The following RAB10 variants were observed in gnomAD, a reference collection of about 807,000 sequenced individuals.
RAB10 encodes RAB10, member RAS oncogene family, also known as ras-related protein Rab-10.
Under a neutral mutation model 25.7 loss-of-function variants are expected in RAB10, and 5 were observed. The ratio of observed to expected loss-of-function variants is 0.19; its 90% CI spans 0.10 to 0.41. The LOEUF is 0.41. Among genes scored for constraint, RAB10 ranks in the 10% least tolerant of loss-of-function variants. The pLI is 1.00. For missense variants in RAB10, 103 were observed against 245.8 expected, an observed-to-expected ratio of 0.42 and a Z score of 3.89; for synonymous variants, 89 against 86.4, an observed-to-expected ratio of 1.03 and a Z score of -0.16.
chr2:26,103,505 A>G (rs1667386892), intron 2 of RAB10, among the ~76,000 whole-genome samples: 1 of 152,248 alleles, frequency 6.6e-6, no homozygotes, highest in African/African-American at 2.4e-5. Flanking sequence ...GATTCTGGTT[A>G]TAATGAGTTT....
chr2:26,127,024 G>A, intron 3 of RAB10, 120 bp from the exon 4 acceptor site: 1 of 715,768 alleles, frequency 1.4e-6, no homozygotes, highest in Non-Finnish European at 2.3e-6. Context: ...TAGGGTGACT[G>A]CTTTAAAACT....
intron 1 of RAB10, among the ~76,000 whole-genome samples, chr2:26,072,047 A>G (rs1380753003): frequency 7.3e-6 from 1 of 136,708 alleles, no homozygotes; most frequent in Non-Finnish European, 1.6e-5. Context: ...TAATTTCCAA[A>G]TGACCAATAC....
intron 2 of RAB10, among the ~76,000 whole-genome samples, chr2:26,106,463 A>G (rs1220149115): frequency 6.6e-6 from 1 of 152,224 alleles, no homozygotes; most frequent in Non-Finnish European, 1.5e-5. Flanking sequence ...ATTTTTGACA[A>G]AGGTACAAAA....
At chr2:26,072,426 TATAATA>T (rs1198488133) in intron 1 of RAB10, among the ~76,000 whole-genome samples, 3 of 151,370 alleles carry the variant, frequency 2.0e-5, no homozygotes, top group South Asian at 2.1e-4. Flanking sequence ...AAAATACATA[TATAATA>T]ATAATAATAA....
At chr2:26,088,916 C>T (rs1667045167) in intron 1 of RAB10, among the ~76,000 whole-genome samples, 1 of 152,148 alleles carries the variant, frequency 6.6e-6, no homozygotes, top group South Asian at 2.1e-4. Flanking sequence ...AGCCACCATG[C>T]CCGGCTTATC....
intron 1 of RAB10, among the ~76,000 whole-genome samples, chr2:26,097,214 TCAAAA>T (rs1457201102): frequency 6.6e-6 from 1 of 152,120 alleles, no homozygotes; most frequent in African/African-American, 2.4e-5. Context: ...AGACCTTGTC[TCAAAA>T]CAAACAAACA....
chr2:26,120,612 C>T (rs1338910778), intron 3 of RAB10, among the ~76,000 whole-genome samples: 8 of 150,916 alleles, frequency 5.3e-5, no homozygotes, highest in Non-Finnish European at 8.9e-5. Flanking sequence ...TTTCTTGAGA[C>T]GGAGTCTCGC....
chr2:26,058,716 A>T (rs746756880), intron 1 of RAB10, among the ~76,000 whole-genome samples: 4 of 152,088 alleles, frequency 2.6e-5, no homozygotes, highest in Non-Finnish European at 5.9e-5. Flanking sequence ...GGCTGTAGCC[A>T]CTCTGCCTAG....
chr2:26,059,924 G>T (rs1039981720), intron 1 of RAB10, among the ~76,000 whole-genome samples: 16 of 151,916 alleles, frequency 1.1e-4, no homozygotes, highest in African/African-American at 3.1e-4. Context: ...AATTATGTGG[G>T]TTTTTTTTAC....
chr2:26,104,375 C>T (rs1038794370), intron 2 of RAB10, among the ~76,000 whole-genome samples: 3 of 152,120 alleles, frequency 2.0e-5, no homozygotes, highest in Non-Finnish European at 4.4e-5. Flanking sequence ...ATTTGTGTAT[C>T]TTCTTTGGAT....
At chr2:26,116,572 T>G (rs1460030611) in intron 3 of RAB10, among the ~76,000 whole-genome samples, 198 of 141,344 alleles carry the variant, frequency 1.4e-3, no homozygotes, top group Non-Finnish European at 2.1e-3. Context: ...TTTTTTTTTT[T>G]TTGAGACGCA....
In RAB10 at chr2:26,114,864, T is replaced by C. The variant is rs530345518; in HGVS notation, c.327+4958T>C. ...CTGCAGTGAACCATGATTGCATTAC[T>C]ACACTCCAGCCTGGGCAACAGAGTG... On this transcript the variant is annotated intron_variant, in intron 3 of 5. Coordinates refer to ENST00000264710, the MANE Select transcript of RAB10 (RefSeq NM_016131.5). Among the ~76,000 whole-genome samples the C allele has an allele frequency of 3.3e-5, 5 of 151,934 alleles. No homozygotes were observed. In the South Asian group the frequency reaches 1.0e-3, roughly 32 times the overall value.
intron 2 of RAB10, among the ~76,000 whole-genome samples, chr2:26,103,796 TC>T (rs1667392896): frequency 6.6e-6 from 1 of 152,152 alleles, no homozygotes; most frequent in Admixed American, 6.6e-5. Context: ...GTATAAAATT[TC>T]TTTATGTGGA....
chr2:26,058,895 G>C (rs2149266400), intron 1 of RAB10, among the ~76,000 whole-genome samples: 1 of 152,236 alleles, frequency 6.6e-6, no homozygotes, highest in Non-Finnish European at 1.5e-5. Context: ...TAATTAATAT[G>C]ACTTCTGATT....
intron 1 of RAB10, among the ~76,000 whole-genome samples, chr2:26,051,024 T>G (rs1666120926): frequency 6.6e-6 from 1 of 152,004 alleles, no homozygotes; most frequent in Non-Finnish European, 1.5e-5. Context: ...GCTCAAGAGA[T>G]CTTCCTGGGT....
chr2:26,097,010 C>T (rs999858861), intron 1 of RAB10, among the ~76,000 whole-genome samples: 6 of 152,030 alleles, frequency 3.9e-5, no homozygotes, highest in Admixed American at 1.3e-4. Flanking sequence ...TCACTTTGAG[C>T]GTTCGAGACC....
intron 2 of RAB10, among the ~76,000 whole-genome samples, 162 bp downstream of exon 2, chr2:26,098,884 A>G (rs1354102154): frequency 1.3e-5 from 2 of 152,308 alleles, no homozygotes; most frequent in East Asian, 3.9e-4. Context: ...CATGGACTTA[A>G]GTCCATGAGA....
intron 1 of RAB10, among the ~76,000 whole-genome samples, chr2:26,039,444 C>A (rs1380600563): frequency 6.6e-6 from 1 of 151,924 alleles, no homozygotes; most frequent in Non-Finnish European, 1.5e-5. Context: ...TTCCCAGATT[C>A]AAGCAATTCT....
intron 5 of RAB10, among the ~76,000 whole-genome samples, chr2:26,131,247 A>C (rs1233081565): frequency 6.6e-6 from 1 of 152,074 alleles, no homozygotes; most frequent in South Asian, 2.1e-4. Context: ...TATAAAATAC[A>C]CTAATACTAA....
Sources: allele counts gnomAD v4.1 joint callset (sites outside exome capture counted in the v4.1 genomes callset), GRCh38; gene constraint gnomAD v4.1.1; transcripts MANE v1.5; gene names NCBI Gene and HGNC (gene_info 2026-07-23, HGNC 2026-07-21).